Variants in LAMA3 observed in about 807,000 individuals in gnomAD.
LAMA3 encodes laminin subunit alpha-3.
A neutral mutation model predicts 402.0 loss-of-function variants in LAMA3; 281 were observed. The ratio of observed to expected loss-of-function variants is 0.70; its 90% CI spans 0.63 to 0.77. LAMA3 has a LOEUF of 0.77. Ranked by LOEUF, LAMA3 falls within the 30% of genes least tolerant of loss-of-function variation. The pLI is 0.00. For missense variants in LAMA3, 3,840 were observed against 4,215.5 expected (o/e 0.91, Z 2.47); for synonymous variants, 1,431 against 1,558.4 (o/e 0.92, Z 1.93).
At chr18:23,943,074 T>G (rs2082580142) in intron 68 of LAMA3, among the ~76,000 whole-genome samples, 2 of 152,222 alleles carry the variant, frequency 1.3e-5, no homozygotes, top group Admixed American at 1.3e-4. Context: ...ATCCTTGTTA[T>G]TCAAGTTGTC....
chr18:23,943,856 A>T lies in LAMA3; in HGVS notation c.9095A>T (p.Asn3032Ile), dbSNP rs1160076236. The stretch of plus-strand genomic sequence containing the variant: ...CTGGTGTTTCACACGGGCACTAAGA[A>T]CTCCTTTATGGCTCTTTATCTTTCA... Reference protein sequence around the residue: ...RGLVFHTGTKNSFMALYLSKG... With the variant: ...RGLVFHTGTKISFMALYLSKG... Residue 3032 changes from asparagine (N) to isoleucine (I), a missense_variant, in exon 69 of 75, where the codon AAC becomes ATC. Physicochemically the swap from Asn to Ile is moderately radical, Grantham distance 149 (BLOSUM62 -3). Coordinates refer to ENST00000313654, the MANE Select transcript of LAMA3 (RefSeq NM_198129.4). 26 of 1,613,594 alleles carry T rather than the reference A, an allele frequency of 1.6e-5. No homozygotes were observed. Among genetic ancestry groups the T allele is most frequent in the Non-Finnish European group, 2.1e-5 (25 of 1,179,780 alleles).
At position 23,791,402 on chromosome 18, in the gene LAMA3, T is replaced by TG. The variant is rs1187194491; in HGVS notation, c.1603+7251dup. ...AATAGGTTGAGCTTGGGATCTTTTG[T>TG]GGGGGGAAAAATGATAGATAATTGG... On this transcript the variant is annotated intron_variant, in intron 12 of 74. Coordinates refer to ENST00000313654, the MANE Select transcript of LAMA3 (RefSeq NM_198129.4). Among the ~76,000 whole-genome samples, 221 of 152,002 alleles carry TG rather than the reference T, an allele frequency of 1.5e-3. 1 individual carries two copies. The highest frequency in any genetic ancestry group is 5.1e-3 in the African/African-American group (213 of 41,462).
At chr18:23,690,722 C>G (rs2060568642) in intron 1 of LAMA3, among the ~76,000 whole-genome samples, 2 of 151,622 alleles carry the variant, frequency 1.3e-5, no homozygotes, top group South Asian at 2.1e-4. Context: ...GGGATCCTCC[C>G]GCCTCAGCCT....
At chr18:23,749,594 T>C in intron 4 of LAMA3, 48 bp downstream of exon 4, 3 of 1,111,586 alleles carry the variant, frequency 2.7e-6, no homozygotes, top group East Asian at 2.3e-5. Context: ...GAAATGACCA[T>C]GAGGATATCC....
rs556188050 is a variant in LAMA3, at chr18:23,950,284, A to G, written c.9642+125A>G. 3.7e-5 allele frequency: 38 copies of G among 1,016,962 alleles called. No individual in the cohort carries two copies. The East Asian group carries it at 8.6e-4, about 23-fold the overall frequency. The allele number at this position is 1,016,962 out of a possible 1,614,324, so 63.0% of individuals were successfully genotyped here. The stretch of plus-strand genomic sequence containing the variant: ...TCTTGTATTTAAGAGCCTTGACTTC[A>G]GTGCTAACTTACCATTTTCCTTTAG... On this transcript the variant is annotated intron_variant, in intron 72 of 74. Transcript: ENST00000313654.
At position 23,932,425 on chromosome 18, in the gene LAMA3, A is replaced by C. The variant is rs751551252; in HGVS notation, c.8708+134A>C. The C allele has an allele frequency of 5.0e-4, 509 of 1,026,166 alleles. 1 individual carries two copies. Among genetic ancestry groups the C allele is most frequent in the Non-Finnish European group, 6.8e-4 (459 of 674,238 alleles). 63.6% of individuals were successfully genotyped at this position (1,026,166 alleles called of 1,614,324 possible). On this transcript the variant is annotated intron_variant, in intron 66 of 74. Coordinates refer to ENST00000313654, the MANE Select transcript of LAMA3 (RefSeq NM_198129.4). ...GACCCGCATACCACAGTCTTTCAAAATGCCATCTTTGGCAAGATACACCCA... is the reference window on the plus strand; with the variant it reads ...GACCCGCATACCACAGTCTTTCAAACTGCCATCTTTGGCAAGATACACCCA...
At chr18:23,712,304 TG>T (rs372164147) in intron 1 of LAMA3, among the ~76,000 whole-genome samples, 81 of 146,478 alleles carry the variant, frequency 5.5e-4, no homozygotes, top group African/African-American at 2.0e-3. Context: ...CGCTTGAACC[TG>T]GGGGCGGAGG....
intron 7 of LAMA3, among the ~76,000 whole-genome samples, chr18:23,762,600 A>AT (rs1417267545): frequency 1.3e-5 from 2 of 151,676 alleles, no homozygotes; most frequent in Non-Finnish European, 2.9e-5. Context: ...AAAAAAAAAA[A>AT]TTTACTTGAA....
chr18:23,693,855 G>C (rs1331810194), intron 1 of LAMA3, among the ~76,000 whole-genome samples: 1 of 152,198 alleles, frequency 6.6e-6, no homozygotes, highest in African/African-American at 2.4e-5. Flanking sequence ...CATTTGCCTA[G>C]TTAGGAAAAG....
At chr18:23,840,034 T>C (rs2063664006) in intron 27 of LAMA3, 105 bp downstream of exon 27, 1 of 1,211,152 alleles carries the variant, frequency 8.3e-7, no homozygotes, top group Non-Finnish European at 1.2e-6. Context: ...ACAGACCCAC[T>C]ACAGACCTAC....
rs1237628335 is a variant in LAMA3 at position 23,898,910 on chromosome 18, C to T, written c.5725-44C>T. 3 of 1,583,158 alleles carry T rather than the reference C, an allele frequency of 1.9e-6. No homozygotes were observed. In the African/African-American group the frequency reaches 4.0e-5, roughly 21 times the overall value. On this transcript the variant is annotated intron_variant, in intron 45 of 74. Coordinates refer to ENST00000313654, the MANE Select transcript of LAMA3 (RefSeq NM_198129.4). ...TGCTTTCAAAGTATTTTTATTTTTC[C>T]TTATTGACTTAATTTGCTGCTAATC... is the stretch of plus-strand genomic sequence containing the variant.
At chr18:23,939,495 G>A in intron 68 of LAMA3, 109 bp downstream of exon 68, 1 of 1,191,006 alleles carries the variant, frequency 8.4e-7, no homozygotes, top group Non-Finnish European at 1.2e-6. Context: ...TAATGAAGGT[G>A]GCACTACCAT....
intron 4 of LAMA3, 98 bp downstream of exon 4, chr18:23,749,644 C>A: frequency 1.2e-6 from 1 of 811,500 alleles, no homozygotes; most frequent in South Asian, 1.3e-5. Context: ...TCAAGGACAT[C>A]TAACATAGAT....
At chr18:23,697,947 C>G (rs1028808407) in intron 1 of LAMA3, among the ~76,000 whole-genome samples, 5 of 152,020 alleles carry the variant, frequency 3.3e-5, no homozygotes, top group Admixed American at 6.6e-5. Context: ...CTGCCTGTGT[C>G]TTCACATGGT....
At position 23,753,463 on chromosome 18, in the gene LAMA3, A is replaced by G. The variant is rs887224756; in HGVS notation, c.856-258A>G. Among the ~76,000 whole-genome samples, 3 of 152,388 alleles carry G rather than the reference A, an allele frequency of 2.0e-5. No homozygotes were observed. The East Asian group carries it at 5.8e-4, about 29-fold the overall frequency. ...ATCCCTTTCCTATAGGCTATAAAGT[A>G]TGATTCCTTTCTAAGGCAATTTCCC... On this transcript the variant is annotated intron_variant, in intron 5 of 74. Transcript: ENST00000313654.
intron 44 of LAMA3, among the ~76,000 whole-genome samples, chr18:23,897,895 A>G (rs1398493750): frequency 2.6e-5 from 4 of 152,186 alleles, no homozygotes; most frequent in Non-Finnish European, 5.9e-5. Flanking sequence ...AAATACGATA[A>G]TCCCCAATTT....
At position 23,842,670 on chromosome 18, in the gene LAMA3, G is replaced by T; in HGVS notation, c.3523G>T (p.Glu1175Ter). 6.2e-7 allele frequency: 1 copy of T among 1,614,152 alleles called. No individual in the cohort carries two copies. The highest frequency in any genetic ancestry group is 8.5e-7 in the Non-Finnish European group (1 of 1,180,032). Residue 1175 changes from glutamate (E) to a stop codon, truncating the protein, a stop_gained, in exon 29 of 75, where the codon GAA (glutamate) becomes TAA (stop). Coordinates refer to ENST00000313654, the MANE Select transcript of LAMA3 (RefSeq NM_198129.4). LOFTEE classifies it high-confidence loss of function. ...VLGCRDQVIA[E>*]GQIEFDISEP... Reference sequence around the variant, plus strand: ...TGGCTGCCGGGATCAAGTGATTGCCGAAGGCCAGATTGAGTTTGACATCTC... The same window carrying T: ...TGGCTGCCGGGATCAAGTGATTGCCTAAGGCCAGATTGAGTTTGACATCTC...
At chr18:23,819,199 T>C (rs1170928417) in intron 18 of LAMA3, among the ~76,000 whole-genome samples, 1 of 152,034 alleles carries the variant, frequency 6.6e-6, no homozygotes, top group African/African-American at 2.4e-5. Flanking sequence ...TTGAGAACTT[T>C]AAGTAGATTG....
chr18:23,734,924 A>G (rs1484718706), intron 2 of LAMA3, among the ~76,000 whole-genome samples: 1 of 152,268 alleles, frequency 6.6e-6, no homozygotes, highest in African/African-American at 2.4e-5. Flanking sequence ...TTTAAAGCTC[A>G]GAAAGTTTTC....
Sources: gnomAD v4.1 joint callset for allele counts (sites outside exome capture counted in the v4.1 genomes callset) on GRCh38, gnomAD v4.1.1 for gene constraint, MANE v1.5 for transcripts, NCBI Gene and HGNC (gene_info 2026-07-23, HGNC 2026-07-21) for gene names.